MECOM: variants seen among roughly 807,000 people sequenced by gnomAD.
MECOM encodes the protein histone-lysine N-methyltransferase MECOM.
In MECOM, 13 loss-of-function variants were observed where a neutral mutation model predicts 116.3. The ratio of observed to expected loss-of-function variants is 0.11; its 90% CI spans 0.07 to 0.18. MECOM has a LOEUF of 0.18. Among genes scored for constraint, MECOM ranks in the 10% least tolerant of loss-of-function variants. The pLI, the probability that MECOM is intolerant of heterozygous loss-of-function variation, is 1.00. For missense variants in MECOM, 1,299 were observed against 1,509.0 expected, an observed-to-expected ratio of 0.86 and a Z score of 2.31; for synonymous variants, 528 against 535.2, an observed-to-expected ratio of 0.99 and a Z score of 0.19.
chr3:169,169,413 T>C (rs967997511), intron 2 of MECOM, among the ~76,000 whole-genome samples: 1 of 152,176 alleles, frequency 6.6e-6, no homozygotes, highest in Non-Finnish European at 1.5e-5. Flanking sequence ...GACAATTATT[T>C]ATGAATGTAA....
intron 1 of MECOM, among the ~76,000 whole-genome samples, chr3:169,403,455 C>A (rs1736195110): frequency 6.6e-6 from 1 of 152,202 alleles, no homozygotes; most frequent in Non-Finnish European, 1.5e-5. Context: ...AGAGCACATA[C>A]ATATATTCTT....
At position 169,266,128 on chromosome 3, in the gene MECOM, T is replaced by A. The variant is rs551705705; in HGVS notation, c.375+115059A>T. Reference sequence around the variant, plus strand: ...AATTTCCTACTCTAAATAATTATTTTACATTTAGATCACCATAAATAAATG... The same window carrying A: ...AATTTCCTACTCTAAATAATTATTTAACATTTAGATCACCATAAATAAATG... On this transcript the variant is annotated intron_variant, in intron 2 of 16. Coordinates refer to ENST00000651503, the MANE Select transcript of MECOM (RefSeq NM_004991.4). Among the ~76,000 whole-genome samples the A allele has an allele frequency of 4.6e-5, 7 of 152,336 alleles. No individual in the cohort carries two copies. In the East Asian group the frequency reaches 1.4e-3, roughly 29 times the overall value.
In MECOM at chr3:169,378,386, C is replaced by CAAGAAAGAAAGAAAGAAAGAAAGA. The variant is rs1195791276; in HGVS notation, c.375+2777_375+2800dup. Among the ~76,000 whole-genome samples, 26 of 59,256 alleles carry CAAGAAAGAAAGAAAGAAAGAAAGA rather than the reference C, an allele frequency of 4.4e-4. 3 individuals carry two copies. The highest frequency in any genetic ancestry group is 0.017 in the Middle Eastern group (2 of 116). 38.9% of individuals were successfully genotyped at this position (59,256 alleles called of 152,430 possible). On this transcript the variant is annotated intron_variant, in intron 2 of 16. Transcript: ENST00000651503. ...GAAGGAAGGAAGCAAGGAAGGAAGA[C>CAAGAAAGAAAGAAAGAAAGAAAGA]AAGAAAGAAAGAAAGAAAGAAAGAA...
In MECOM at chr3:169,304,047, G is replaced by A. The variant is rs564524489; in HGVS notation, c.375+77140C>T. Among the ~76,000 whole-genome samples the A allele has an allele frequency of 3.3e-5, 5 of 152,296 alleles. No individual in the cohort carries two copies. The South Asian group carries it at 1.0e-3, about 32-fold the overall frequency. On this transcript the variant is annotated intron_variant, in intron 2 of 16. Transcript: ENST00000651503. ...GAAGCTGCTTTTGTGTTTGCTCAAG[G>A]GAAGCAATTTCATCACCCCTCATGC...
intron 2 of MECOM, among the ~76,000 whole-genome samples, chr3:169,234,398 T>C (rs1312346250): frequency 6.6e-6 from 1 of 151,322 alleles, no homozygotes; most frequent in Non-Finnish European, 1.5e-5. Context: ...TAGTCAATTA[T>C]GTCATTGAGC....
intron 14 of MECOM, among the ~76,000 whole-genome samples, 187 bp downstream of exon 14, chr3:169,092,766 GATGAA>G (rs1206746145): frequency 1.3e-5 from 2 of 152,092 alleles, no homozygotes; most frequent in African/African-American, 4.8e-5. Context: ...ATAGGGTTAT[GATGAA>G]ATTAAATTAA....
intron 1 of MECOM, among the ~76,000 whole-genome samples, chr3:169,450,878 C>A (rs574917631): frequency 6.6e-6 from 1 of 152,154 alleles, no homozygotes; most frequent in Non-Finnish European, 1.5e-5. Context: ...TTCACAAGTT[C>A]ATAATGGGAA....
intron 1 of MECOM, among the ~76,000 whole-genome samples, chr3:169,586,286 T>C (rs745478776): frequency 6.6e-6 from 1 of 152,256 alleles, no homozygotes; most frequent in Non-Finnish European, 1.5e-5. Context: ...AACCACACTC[T>C]GCATTCAAAT....
intron 1 of MECOM, among the ~76,000 whole-genome samples, chr3:169,447,598 ACT>A (rs1363474266): frequency 6.6e-6 from 1 of 152,226 alleles, no homozygotes; most frequent in African/African-American, 2.4e-5. Flanking sequence ...CAACTCTGTC[ACT>A]GTCTTCAAGG....
At chr3:169,587,385 A>C (rs1270319008) in intron 1 of MECOM, among the ~76,000 whole-genome samples, 2 of 151,438 alleles carry the variant, frequency 1.3e-5, no homozygotes, top group Non-Finnish European at 2.9e-5. Context: ...GGTTTCTGTC[A>C]AAGGGACTGT....
intron 1 of MECOM, among the ~76,000 whole-genome samples, chr3:169,559,121 G>A (rs1270060605): frequency 1.3e-5 from 2 of 151,962 alleles, no homozygotes; most frequent in African/African-American, 4.8e-5. Context: ...CCCACTAGCA[G>A]GGGCGAAGTT....
intron 2 of MECOM, among the ~76,000 whole-genome samples, chr3:169,352,644 G>A (rs1007660371): frequency 6.6e-6 from 1 of 151,772 alleles, no homozygotes; most frequent in African/African-American, 2.4e-5. Flanking sequence ...TTCATTCAGG[G>A]AGTGAAATAA....
chr3:169,605,324 C>G (rs774532295), intron 1 of MECOM, among the ~76,000 whole-genome samples: 3 of 152,072 alleles, frequency 2.0e-5, no homozygotes, highest in Admixed American at 6.6e-5. Flanking sequence ...AAGCTTTATT[C>G]AAACTAAAGG....
chr3:169,098,347 C>T (rs1376862876), intron 12 of MECOM, among the ~76,000 whole-genome samples: 1 of 152,114 alleles, frequency 6.6e-6, no homozygotes, highest in African/African-American at 2.4e-5. Flanking sequence ...CTTTAATTAC[C>T]CTGACACTTC....
At chr3:169,483,281 A>G (rs16834973) in intron 1 of MECOM, among the ~76,000 whole-genome samples, 1 of 144,844 alleles carries the variant, frequency 6.9e-6, no homozygotes, top group East Asian at 2.0e-4. Flanking sequence ...AAGATGTCGC[A>G]TTTTCTTTTA....
chr3:169,251,725 G>A (rs1270435744), intron 2 of MECOM, among the ~76,000 whole-genome samples: 1 of 152,124 alleles, frequency 6.6e-6, no homozygotes, highest in Non-Finnish European at 1.5e-5. Context: ...TGGAACTTTG[G>A]AATATGTGTA....
intron 2 of MECOM, among the ~76,000 whole-genome samples, chr3:169,309,197 C>T (rs954449396): frequency 1.1e-4 from 17 of 152,156 alleles, no homozygotes; most frequent in African/African-American, 3.6e-4. Flanking sequence ...CTGAGTAACA[C>T]TATTTTAAAC....
intron 2 of MECOM, among the ~76,000 whole-genome samples, chr3:169,205,594 G>C (rs1247555361): frequency 6.6e-6 from 1 of 152,082 alleles, no homozygotes; most frequent in Non-Finnish European, 1.5e-5. Flanking sequence ...CTCTAGGATG[G>C]GTCAGAATAG....
chr3:169,371,787 C>T (rs1730186207), intron 2 of MECOM, among the ~76,000 whole-genome samples: 1 of 151,960 alleles, frequency 6.6e-6, no homozygotes, highest in African/African-American at 2.4e-5. Flanking sequence ...TTGTCAGCCT[C>T]CTGATGCTGA....
Sources: allele counts gnomAD v4.1 joint callset (sites outside exome capture counted in the v4.1 genomes callset), GRCh38; gene constraint gnomAD v4.1.1; transcripts MANE v1.5; gene names NCBI Gene and HGNC (gene_info 2026-07-23, HGNC 2026-07-21).